TMEM126B: variants seen among roughly 807,000 people sequenced by gnomAD.
TMEM126B encodes the protein transmembrane protein 126B, also known as complex I assembly factor TMEM126B, mitochondrial.
Under a neutral mutation model 16.5 loss-of-function variants are expected in TMEM126B, and 19 were observed. The observed-to-expected ratio is 1.15, with a 90% CI of 0.80 to 1.69. The LOEUF is 1.69. Among genes scored for constraint, TMEM126B ranks in the 40% most tolerant of loss-of-function variants. The pLI, the probability that TMEM126B is intolerant of heterozygous loss-of-function variation, is 0.00. For synonymous variants in TMEM126B, 104 were observed against 93.2 expected (o/e 1.12, Z -0.67); for missense variants, 293 against 278.7 (o/e 1.05, Z -0.37).
chr11:85,635,821 C>CTTTTTT (rs58671332), intron 4 of TMEM126B, 43 bp downstream of exon 4: 367 of 868,952 alleles, frequency 4.2e-4, no homozygotes, highest in South Asian at 1.6e-3. Context: ...CTTTTCTTTT[C>CTTTTTT]TTTTTTTTTT....
In TMEM126B at chr11:85,635,797, T is replaced by C; in HGVS notation, c.509+19T>C. The C allele has an allele frequency of 1.3e-6, 2 of 1,487,680 alleles. No homozygotes were observed. Among genetic ancestry groups the C allele is most frequent in the African/African-American group, 3.1e-5 (2 of 64,396 alleles). The allele number at this position is 1,487,680 out of a possible 1,614,324, so 92.2% of individuals were successfully genotyped here. A position where few individuals can be genotyped will look rare whatever the true frequency, so the allele number is the denominator to read the frequency against. Reference sequence around the variant, plus strand: ...CAACCAAGTAAGTTCTTCCTTTTCCTTCTTTTTTCTTTTCTTTTCTTTTCT... The same window carrying C: ...CAACCAAGTAAGTTCTTCCTTTTCCCTCTTTTTTCTTTTCTTTTCTTTTCT... On this transcript the variant is annotated intron_variant, in intron 4 of 4. Coordinates refer to ENST00000358867, the MANE Select transcript of TMEM126B (RefSeq NM_018480.7).
intron 3 of TMEM126B, 145 bp from the exon 4 acceptor site, chr11:85,635,522 T>C (rs760162641): frequency 3.7e-5 from 20 of 541,222 alleles, no homozygotes; most frequent in African/African-American, 1.4e-4. Context: ...TGGCCTGTTA[T>C]ATGCCACAGA....
At position 85,635,668 on chromosome 11, in the gene TMEM126B, T is replaced by C; in HGVS notation, c.399T>C (p.Asp133=). ...ACCAAATTTACTTTTGTTTTCCAGA[T>C]AATATAAGCAAGGAAAACTGTGTTT... The part of the protein sequence containing the change: ...KLFVIDALYS[D]NISKENCVFR... The change falls in exon 4 of 5, where the codon GAT becomes GAC. Residue 133 remains aspartate (D), a splice_region_variant and synonymous_variant. Transcript: ENST00000358867. 1 of 1,603,684 alleles carries C rather than the reference T, an allele frequency of 6.2e-7. No homozygotes were observed. Among genetic ancestry groups the C allele is most frequent in the South Asian group, 1.1e-5 (1 of 88,624 alleles).
chr11:85,634,372 A>G, intron 3 of TMEM126B, 93 bp downstream of exon 3: 1 of 892,896 alleles, frequency 1.1e-6, no homozygotes, highest in Non-Finnish European at 1.7e-6. Flanking sequence ...ATAATTCTTT[A>G]CATTTATATA....
chr11:85,634,477 G>A (rs575760943), intron 3 of TMEM126B, 198 bp downstream of exon 3: 14 of 483,420 alleles, frequency 2.9e-5, no homozygotes, highest in African/African-American at 2.6e-4. Flanking sequence ...TATTTCTGTA[G>A]ATAAGCAACC....
intron 2 of TMEM126B, 113 bp downstream of exon 2, chr11:85,631,921 T>G: frequency 1.8e-6 from 2 of 1,116,478 alleles, no homozygotes; most frequent in South Asian, 3.8e-5. Context: ...AAGATCCTAT[T>G]CTTTGAGTTG....
intron 2 of TMEM126B, among the ~76,000 whole-genome samples, chr11:85,632,552 C>T (rs1306631987): frequency 6.6e-6 from 1 of 152,142 alleles, no homozygotes; most frequent in Non-Finnish European, 1.5e-5. Flanking sequence ...AATAAGAAAA[C>T]TAAATCAGAT....
chr11:85,634,650 G>A (rs1293614348), intron 3 of TMEM126B: 1 of 184,818 alleles, frequency 5.4e-6, no homozygotes, highest in Non-Finnish European at 1.1e-5. Flanking sequence ...TTATCTATAA[G>A]TTAGGACTAA....
intron 1 of TMEM126B, chr11:85,631,047 A>G (rs774460307): frequency 3.6e-5 from 32 of 894,924 alleles, no homozygotes; most frequent in Non-Finnish European, 4.9e-5. Flanking sequence ...AGTAGCCACA[A>G]TCCACTGCCT....
chr11:85,635,821 C>A, intron 4 of TMEM126B, 43 bp downstream of exon 4: 133 of 867,330 alleles, frequency 1.5e-4, no homozygotes, highest in Middle Eastern at 3.8e-4. Flanking sequence ...CTTTTCTTTT[C>A]TTTTTTTTTT....
Position 85,634,289 on chromosome 11 carries a change from A to C in TMEM126B, c.397+10A>C, listed in dbSNP as rs767981117. On this transcript the variant is annotated intron_variant, in intron 3 of 4. Transcript: ENST00000358867. ...GATGCTTTGTATTCAGGTGAATTTA[A>C]ATTCACTAATGTATAACGTAGTTAT... The C allele has an allele frequency of 1.9e-6, 3 of 1,590,852 alleles. No individual in the cohort carries two copies.
At chr11:85,629,701 A>G (rs555475622) in intron 1 of TMEM126B, among the ~76,000 whole-genome samples, 1 of 152,168 alleles carries the variant, frequency 6.6e-6, no homozygotes, top group Non-Finnish European at 1.5e-5. Context: ...ATGGTTACTC[A>G]TGTTATTGAC....
At chr11:85,634,362 A>G in intron 3 of TMEM126B, 83 bp downstream of exon 3, 3 of 976,800 alleles carry the variant, frequency 3.1e-6, no homozygotes, top group East Asian at 2.6e-5. Context: ...ACTGCTAATA[A>G]TAATTCTTTA....
rs758659551 is a variant in TMEM126B, at chr11:85,634,334, T to C, written c.397+55T>C. The C allele has an allele frequency of 3.1e-6, 4 of 1,295,508 alleles. No homozygotes were observed. In the African/African-American group the frequency reaches 6.3e-5, roughly 21 times the overall value. The allele number at this position is 1,295,508 out of a possible 1,614,324, so 80.3% of individuals were successfully genotyped here. A position where few individuals can be genotyped will look rare whatever the true frequency, so the allele number is the denominator to read the frequency against. ...AGTTATGTCTAAGTAAAGTTACTTA[T>C]TAACATATACTGTTGCTACTGCTAA... On this transcript the variant is annotated intron_variant, in intron 3 of 4. Coordinates refer to ENST00000358867, the MANE Select transcript of TMEM126B (RefSeq NM_018480.7).
rs35392359 is a variant in TMEM126B, at chr11:85,636,055, C to T, written c.519C>T (p.Thr173=). The T allele has an allele frequency of 4.0e-4, 635 of 1,590,314 alleles. 1 individual carries two copies. In the African/African-American group the frequency reaches 7.7e-3, roughly 19 times the overall value. Reference sequence around the variant, plus strand: ...TCTTTTTTCTTTTTAGGTATCATACCGTTCCACTGCCACCAAAAGGAAGGG... The same window carrying T: ...TCTTTTTTCTTTTTAGGTATCATACTGTTCCACTGCCACCAAAAGGAAGGG... The part of the protein sequence containing the change: ...KNGRLATKYH[T]VPLPPKGRVL... The change falls in exon 5 of 5, where the codon ACC becomes ACT. Residue 173 remains threonine (T), a synonymous_variant. Transcript: ENST00000358867.
At position 85,636,184 on chromosome 11, in the gene TMEM126B, T is replaced by G. The variant is rs765233284; in HGVS notation, c.648T>G (p.Tyr216Ter). Residue 216 changes from tyrosine to a stop codon, truncating the protein, a stop_gained, in exon 5 of 5, where the codon TAT becomes TAG. Transcript: ENST00000358867. LOFTEE classifies it low-confidence loss of function (END_TRUNC). Reference sequence around the variant, plus strand: ...GAATATTAAATGGTCTATACCATTATGCAGTATTTGAAGAGACACTTGAGA... The same window carrying G: ...GAATATTAAATGGTCTATACCATTAGGCAGTATTTGAAGAGACACTTGAGA... ...MFGILNGLYH[Y>*]AVFEETLEKT... The G allele has an allele frequency of 6.3e-7, 1 of 1,591,422 alleles. No individual in the cohort carries two copies. Among genetic ancestry groups the G allele is most frequent in the East Asian group, 2.3e-5 (1 of 44,400 alleles).
At position 85,634,183 on chromosome 11, in the gene TMEM126B, C is replaced by T; in HGVS notation, c.301C>T (p.His101Tyr). 6.2e-7 allele frequency: 1 copy of T among 1,613,612 alleles called. No homozygotes were observed. The highest frequency in any genetic ancestry group is 8.5e-7 in the Non-Finnish European group (1 of 1,179,648). The change falls in exon 3 of 5, where the codon CAT (histidine) becomes TAT (tyrosine). Residue 101 changes from histidine (H) to tyrosine (Y), a missense_variant. Physicochemically the swap from His to Tyr is moderately conservative, Grantham distance 83. Coordinates refer to ENST00000358867, the MANE Select transcript of TMEM126B (RefSeq NM_018480.7). ...FLFRRCFKVKHDALKTYASLA... is the reference protein window; with the variant it reads ...FLFRRCFKVKYDALKTYASLA... ...GTTCAGACGCTGCTTCAAGGTTAAA[C>T]ATGATGCTTTGAAGACATATGCATC... is the stretch of plus-strand genomic sequence containing the variant.
At chr11:85,635,610 A>T in intron 3 of TMEM126B, 57 bp from the exon 4 acceptor site, 2 of 1,199,042 alleles carry the variant, frequency 1.7e-6, no homozygotes, top group South Asian at 1.3e-5. Context: ...GAGGTACAAC[A>T]CTGTCTTAAT....
At chr11:85,631,932 G>A (rs370857212) in intron 2 of TMEM126B, 124 bp downstream of exon 2, 3 of 990,642 alleles carry the variant, frequency 3.0e-6, no homozygotes, top group Non-Finnish European at 4.2e-6. Flanking sequence ...CTTTGAGTTG[G>A]CTATGAAGAA....
Sources: allele counts gnomAD v4.1 joint callset (sites outside exome capture counted in the v4.1 genomes callset), GRCh38; gene constraint gnomAD v4.1.1; transcripts MANE v1.5; gene names NCBI Gene and HGNC (gene_info 2026-07-23, HGNC 2026-07-21).